The following SDHC variants were observed in gnomAD, a reference collection of about 807,000 sequenced individuals.
SDHC encodes succinate dehydrogenase cytochrome b560 subunit, mitochondrial.
SDHC carries 11 observed loss-of-function variants against 22.6 expected under a neutral mutation model. The observed-to-expected ratio is 0.49, with a 90% CI of 0.31 to 0.81. SDHC has a LOEUF of 0.81. SDHC is among the 30% of genes least tolerant of loss of function. SDHC has a pLI of 0.05. For missense variants in SDHC, 160 were observed against 212.0 expected, an observed-to-expected ratio of 0.75 and a Z score of 1.52; for synonymous variants, 80 against 77.8, an observed-to-expected ratio of 1.03 and a Z score of -0.15.
rs78197773 is a variant in SDHC at position 161,338,804 on chromosome 1, C to G, written c.180-1790C>G. ...AGGTTTTCTTCCATCAGTGTTATAC[C>G]TGGAGAAATAGAGGGACCCAGGTTG... is the stretch of plus-strand genomic sequence containing the variant. On this transcript the variant is annotated intron_variant, in intron 3 of 5. Coordinates refer to ENST00000367975, the MANE Select transcript of SDHC (RefSeq NM_003001.5). Among the ~76,000 whole-genome samples the G allele has an allele frequency of 4.8e-3, 730 of 152,124 alleles. 16 individuals carry two copies. In the South Asian group the frequency reaches 0.05, roughly 11 times the overall value.
chr1:161,351,730 G>A (rs1672105045), intron 4 of SDHC, among the ~76,000 whole-genome samples: 1 of 152,174 alleles, frequency 6.6e-6, no homozygotes, highest in Admixed American at 6.5e-5. Context: ...AGAGGTTGTG[G>A]GGAAGCAGAT....
At chr1:161,340,568 A>G in intron 3 of SDHC, 26 bp from the exon 4 acceptor site, 1 of 1,607,780 alleles carries the variant, frequency 6.2e-7, no homozygotes, top group Non-Finnish European at 8.5e-7. Context: ...TCCTTTTTAA[A>G]ATTGTCTTTG....
intron 4 of SDHC, among the ~76,000 whole-genome samples, chr1:161,355,619 T>G (rs1672241897): frequency 6.6e-6 from 1 of 152,196 alleles, no homozygotes; most frequent in South Asian, 2.1e-4. Context: ...TTAATTTAAA[T>G]TTTTGTGTAA....
chr1:161,361,918 C>CT (rs55810728), intron 5 of SDHC, among the ~76,000 whole-genome samples: 17,126 of 140,370 alleles, frequency 0.12, 1,334 homozygotes, highest in African/African-American at 0.22. Context: ...GACCACAGAA[C>CT]TTTTTTTTTT....
intron 4 of SDHC, among the ~76,000 whole-genome samples, chr1:161,353,721 A>G (rs1191070300): frequency 2.6e-5 from 4 of 152,138 alleles, no homozygotes; most frequent in African/African-American, 9.7e-5. Context: ...AGTGGCTGAC[A>G]ACTATAATCC....
chr1:161,341,510 C>T (rs1299909006), intron 4 of SDHC, among the ~76,000 whole-genome samples: 1 of 152,114 alleles, frequency 6.6e-6, no homozygotes, highest in Non-Finnish European at 1.5e-5. Context: ...AGATTATAAT[C>T]AGTTTTCTGG....
At chr1:161,358,248 A>G (rs926833211) in intron 5 of SDHC, among the ~76,000 whole-genome samples, 13 of 148,514 alleles carry the variant, frequency 8.8e-5, no homozygotes, top group Admixed American at 1.3e-4. Flanking sequence ...GGATTTTGCC[A>G]TGTTGGCCAG....
intron 4 of SDHC, among the ~76,000 whole-genome samples, chr1:161,354,338 T>C (rs1161441241): frequency 6.6e-6 from 1 of 152,226 alleles, no homozygotes; most frequent in African/African-American, 2.4e-5. Flanking sequence ...TAACATCTAA[T>C]GTTGAAACTG....
chr1:161,330,102 T>A (rs1004905901), intron 3 of SDHC, among the ~76,000 whole-genome samples: 1 of 152,204 alleles, frequency 6.6e-6, no homozygotes, highest in African/African-American at 2.4e-5. Flanking sequence ...GAGGGTGCAT[T>A]ATTTTACCTA....
rs532317918 is a variant in SDHC, at chr1:161,339,662, G to GTTTTT, written c.180-908_180-904dup. ...TTTGTAACCTAATCCTGATACAGGT[G>GTTTTT]TTTTTTTTTTTTTTTTTTTTTTTTT... On this transcript the variant is annotated intron_variant, in intron 3 of 5. Coordinates refer to ENST00000367975, the MANE Select transcript of SDHC (RefSeq NM_003001.5). 4.9e-3 allele frequency: 253 copies of GTTTTT among 51,668 alleles called. 44 individuals are homozygous for GTTTTT. The highest frequency in any genetic ancestry group is 6.6e-3 in the Non-Finnish European group (198 of 30,190). 3.2% of individuals were successfully genotyped at this position (51,668 alleles called of 1,614,324 possible).
intron 5 of SDHC, among the ~76,000 whole-genome samples, chr1:161,359,742 C>A (rs1205222684): frequency 6.6e-6 from 1 of 152,008 alleles, no homozygotes; most frequent in Non-Finnish European, 1.5e-5. Context: ...GAGTGTGGGA[C>A]AGGATTTTGT....
chr1:161,358,561 T>C (rs80312901), intron 5 of SDHC, among the ~76,000 whole-genome samples: 17,688 of 151,644 alleles, frequency 0.12, 1,398 homozygotes, highest in African/African-American at 0.22. Flanking sequence ...CGAATGAGCC[T>C]GGGAGGCGGA....
intron 3 of SDHC, 23 bp downstream of exon 3, chr1:161,328,520 G>C (rs766206748): frequency 6.7e-7 from 1 of 1,502,708 alleles, no homozygotes; most frequent in Admixed American, 1.7e-5. Context: ...TCTGGAGCCA[G>C]AGAATCTAGA....
At chr1:161,329,149 G>A (rs1292633810) in intron 3 of SDHC, among the ~76,000 whole-genome samples, 7 of 151,882 alleles carry the variant, frequency 4.6e-5, no homozygotes, top group East Asian at 1.9e-4. Context: ...CTAGTGATCC[G>A]CCCGCCTCGG....
Position 161,356,845 on chromosome 1 carries a change from G to A in SDHC, c.405+5G>A. 1.2e-6 allele frequency: 2 copies of A among 1,613,634 alleles called. No individual in the cohort carries two copies. The highest frequency in any genetic ancestry group is 1.7e-6 in the Non-Finnish European group (2 of 1,179,638). ...TGGAATGGGATCCGACACTTGGTAA[G>A]TTAATTCGGGATTTGCACATTTTCT... On this transcript the variant is annotated splice_donor_5th_base_variant and intron_variant, in intron 5 of 5. Transcript: ENST00000367975.
intron 5 of SDHC, among the ~76,000 whole-genome samples, chr1:161,359,947 C>T (rs1281620284): frequency 1.3e-5 from 2 of 152,068 alleles, no homozygotes; most frequent in Non-Finnish European, 2.9e-5. Flanking sequence ...AGCAAAACAA[C>T]TCTTTGTGGA....
At chr1:161,350,390 GA>G (rs1672063112) in intron 4 of SDHC, among the ~76,000 whole-genome samples, 1 of 152,172 alleles carries the variant, frequency 6.6e-6, no homozygotes. Context: ...GCAACAGTTA[GA>G]ATTTAGAGAC....
intron 1 of SDHC, among the ~76,000 whole-genome samples, chr1:161,317,932 G>A (rs918273784): frequency 6.6e-6 from 1 of 151,956 alleles, no homozygotes; most frequent in Non-Finnish European, 1.5e-5. Context: ...CCAGCACTTT[G>A]GGAGGCTGAG....
chr1:161,334,770 C>T (rs1198774059), intron 3 of SDHC, among the ~76,000 whole-genome samples: 1 of 152,076 alleles, frequency 6.6e-6, no homozygotes, highest in Non-Finnish European at 1.5e-5. Context: ...ATTTCATCTG[C>T]AACCTTAATT....
Sources: gnomAD v4.1 joint callset for allele counts (sites outside exome capture counted in the v4.1 genomes callset) on GRCh38, gnomAD v4.1.1 for gene constraint, MANE v1.5 for transcripts, NCBI Gene and HGNC (gene_info 2026-07-23, HGNC 2026-07-21) for gene names.